Variants in ANKRD6 observed in about 807,000 individuals in gnomAD.
The protein encoded by ANKRD6 is ankyrin repeat domain 6, also known as ankyrin repeat domain-containing protein 6.
Under a neutral mutation model 82.3 loss-of-function variants are expected in ANKRD6, and 56 were observed. The ratio of observed to expected loss-of-function variants is 0.68; its 90% CI spans 0.55 to 0.85. The LOEUF is 0.85. Ranked by LOEUF, ANKRD6 falls within the 40% of genes least tolerant of loss-of-function variation. The probability of loss-of-function intolerance (pLI) is 0.00; values close to 1 mark genes in which losing one functional copy is unlikely to be tolerated. For synonymous variants in ANKRD6, 347 were observed against 352.1 expected, an observed-to-expected ratio of 0.99 and a Z score of 0.16; for missense variants, 852 against 907.6, an observed-to-expected ratio of 0.94 and a Z score of 0.79.
intron 1 of ANKRD6, among the ~76,000 whole-genome samples, chr6:89,494,203 GTCT>G (rs1778344985): frequency 1.3e-5 from 2 of 152,152 alleles, no homozygotes; most frequent in Non-Finnish European, 1.5e-5. Context: ...GGCCATGGGG[GTCT>G]GTAGATGGAA....
intron 1 of ANKRD6, among the ~76,000 whole-genome samples, chr6:89,496,184 C>A (rs1034090431): frequency 4.0e-5 from 6 of 151,782 alleles, no homozygotes; most frequent in East Asian, 1.9e-4. Context: ...CTGCCCCCCC[C>A]CCCACCATAA....
At chr6:89,560,406 T>A (rs1787222141) in intron 1 of ANKRD6, among the ~76,000 whole-genome samples, 1 of 152,194 alleles carries the variant, frequency 6.6e-6, no homozygotes, top group South Asian at 2.1e-4. Context: ...AGATCAGGGC[T>A]CCACCTTTAT....
intron 1 of ANKRD6, among the ~76,000 whole-genome samples, chr6:89,488,742 C>A (rs745868062): frequency 9.9e-5 from 15 of 152,108 alleles, no homozygotes; most frequent in Non-Finnish European, 2.2e-4. Context: ...TCATTTTGAT[C>A]AAGAACAGTG....
intron 3 of ANKRD6, among the ~76,000 whole-genome samples, chr6:89,599,251 T>A (rs1367058859): frequency 2.0e-5 from 3 of 152,154 alleles, no homozygotes; most frequent in Non-Finnish European, 4.4e-5. Context: ...CAAATGCCTG[T>A]GGTCCCAGCT....
At chr6:89,521,914 C>T (rs953655252) in intron 1 of ANKRD6, among the ~76,000 whole-genome samples, 3 of 152,244 alleles carry the variant, frequency 2.0e-5, no homozygotes, top group East Asian at 3.9e-4. Context: ...ATTTTAAAAA[C>T]AAAACTTGAA....
At chr6:89,494,053 A>G (rs1044972742) in intron 1 of ANKRD6, among the ~76,000 whole-genome samples, 85 of 152,268 alleles carry the variant, frequency 5.6e-4, no homozygotes, top group African/African-American at 2.0e-3. Flanking sequence ...CTCTGAATAC[A>G]ACACAAGTGA....
At chr6:89,481,555 C>A (rs1405979143) in intron 1 of ANKRD6, among the ~76,000 whole-genome samples, 1 of 152,186 alleles carries the variant, frequency 6.6e-6, no homozygotes, top group Non-Finnish European at 1.5e-5. Context: ...CAGTAATGAT[C>A]AAAATTTTAT....
intron 2 of ANKRD6, among the ~76,000 whole-genome samples, chr6:89,584,260 C>T (rs1400269011): frequency 6.6e-6 from 1 of 152,158 alleles, no homozygotes; most frequent in Non-Finnish European, 1.5e-5. Flanking sequence ...TCTCCACATC[C>T]CCACCCTGGT....
At chr6:89,484,373 C>T (rs1246146302) in intron 1 of ANKRD6, among the ~76,000 whole-genome samples, 1 of 151,770 alleles carries the variant, frequency 6.6e-6, no homozygotes, top group Non-Finnish European at 1.5e-5. Context: ...TACTAACTGG[C>T]CAGCGATTAT....
intron 1 of ANKRD6, among the ~76,000 whole-genome samples, chr6:89,488,324 C>T (rs1446977798): frequency 6.6e-6 from 1 of 152,218 alleles, no homozygotes; most frequent in Non-Finnish European, 1.5e-5. Context: ...GTGGCACATG[C>T]CTGCAGTCCC....
intron 2 of ANKRD6, among the ~76,000 whole-genome samples, chr6:89,584,736 C>A (rs1046795188): frequency 2.0e-5 from 3 of 152,198 alleles, no homozygotes; most frequent in African/African-American, 4.8e-5. Context: ...TCAACAAGTG[C>A]CTTAGCTCAG....
chr6:89,441,233 C>A (rs968280650), intron 1 of ANKRD6, among the ~76,000 whole-genome samples: 2 of 152,148 alleles, frequency 1.3e-5, no homozygotes, highest in African/African-American at 4.8e-5. Flanking sequence ...TGGCTGCAAC[C>A]TCTGCCTCCC....
intron 1 of ANKRD6, among the ~76,000 whole-genome samples, chr6:89,514,523 C>A (rs1169750528): frequency 1.3e-5 from 2 of 152,106 alleles, no homozygotes; most frequent in East Asian, 1.9e-4. Context: ...AGATTGGACA[C>A]CCCTGCCGTA....
At chr6:89,506,099 T>C (rs1235170642) in intron 1 of ANKRD6, among the ~76,000 whole-genome samples, 1 of 152,094 alleles carries the variant, frequency 6.6e-6, no homozygotes, top group Non-Finnish European at 1.5e-5. Flanking sequence ...GGGTATAAAC[T>C]TTCAGTTATA....
In ANKRD6 at chr6:89,481,579, CAT is replaced by C. The variant is rs577821923; in HGVS notation, c.-144+48205_-144+48206del. Among the ~76,000 whole-genome samples, 6 of 152,318 alleles carry C rather than the reference CAT, an allele frequency of 3.9e-5. No homozygotes were observed. In the South Asian group the frequency reaches 1.2e-3, roughly 32 times the overall value. ...TCAAAATTTTATGTGTAACACATGT[CAT>C]GTGCATTTCCTCTGTTGACTTTAGA... On this transcript the variant is annotated intron_variant, in intron 1 of 15. Transcript: ENST00000339746.
At chr6:89,463,640 CT>C (rs1345747562) in intron 1 of ANKRD6, among the ~76,000 whole-genome samples, 3 of 152,142 alleles carry the variant, frequency 2.0e-5, no homozygotes, top group East Asian at 3.9e-4. Flanking sequence ...CCTCCGCCTC[CT>C]GGGTTCAAGC....
chr6:89,497,229 C>G lies in ANKRD6; in HGVS notation c.-144+63854C>G, dbSNP rs540865685. Among the ~76,000 whole-genome samples the G allele has an allele frequency of 1.4e-3, 215 of 152,356 alleles. 1 individual carries two copies. Among genetic ancestry groups the G allele is most frequent in the African/African-American group, 4.9e-3 (204 of 41,588 alleles). On this transcript the variant is annotated intron_variant, in intron 1 of 15. Transcript: ENST00000339746. ...TGGTTTTCTGAATCTACAAAAATTA[C>G]TTTGGTACAGGCTGATCATTTAGGA...
chr6:89,477,966 G>T (rs1405850894), intron 1 of ANKRD6, among the ~76,000 whole-genome samples: 1 of 151,900 alleles, frequency 6.6e-6, no homozygotes, highest in Non-Finnish European at 1.5e-5. Context: ...TCTGATTATT[G>T]TGCATTGAAT....
chr6:89,616,334 T>G, intron 7 of ANKRD6: 2 of 553,082 alleles, frequency 3.6e-6, no homozygotes, highest in Non-Finnish European at 6.4e-6. Flanking sequence ...GCTGCGTGAT[T>G]TCAGGTATCC....
Sources: allele counts gnomAD v4.1 joint callset (sites outside exome capture counted in the v4.1 genomes callset), GRCh38; gene constraint gnomAD v4.1.1; transcripts MANE v1.5; gene names NCBI Gene and HGNC (gene_info 2026-07-23, HGNC 2026-07-21).